The following PAMR1 variants were observed in gnomAD, a reference collection of about 807,000 sequenced individuals.
PAMR1 encodes inactive serine protease PAMR1.
Under a neutral mutation model 81.8 loss-of-function variants are expected in PAMR1, and 88 were observed. That is an observed-to-expected ratio of 1.08 (90% confidence interval 0.91 to 1.28). The LOEUF is 1.28. PAMR1 is among the 50% of genes most tolerant of loss of function. PAMR1 has a pLI of 0.00. For missense variants in PAMR1, 935 were observed against 919.7 expected (o/e 1.02, Z -0.21); for synonymous variants, 336 against 345.3 (o/e 0.97, Z 0.30).
chr11:35,438,739 G>A (rs1226568157), intron 8 of PAMR1, among the ~76,000 whole-genome samples: 1 of 152,212 alleles, frequency 6.6e-6, no homozygotes, highest in African/African-American at 2.4e-5. Flanking sequence ...AAATATGTAA[G>A]ACAACAGGTG....
Position 35,481,150 on chromosome 11 carries a change from G to C in PAMR1, c.380-6406C>G, listed in dbSNP as rs1387612716. Among the ~76,000 whole-genome samples, 6 of 152,148 alleles carry C rather than the reference G, an allele frequency of 3.9e-5. No individual in the cohort carries two copies. In the South Asian group the frequency reaches 1.0e-3, roughly 26 times the overall value. On this transcript the variant is annotated intron_variant, in intron 3 of 10. Transcript: ENST00000619888. ...TTCCATGTCTTTGCTATTGTAAATA[G>C]TGCTGTAACAAACATACATGTGCAT... is the stretch of plus-strand genomic sequence containing the variant.
chr11:35,468,414 G>A (rs537581159), intron 5 of PAMR1, among the ~76,000 whole-genome samples: 12 of 152,322 alleles, frequency 7.9e-5, no homozygotes, highest in African/African-American at 2.6e-4. Flanking sequence ...AGCCATGCTT[G>A]TATCTCTCCC....
At chr11:35,437,338 C>T (rs1856073398) in intron 8 of PAMR1, among the ~76,000 whole-genome samples, 1 of 152,190 alleles carries the variant, frequency 6.6e-6, no homozygotes, top group Non-Finnish European at 1.5e-5. Context: ...AACTTGGTAC[C>T]CAAGGCAGTG....
chr11:35,510,023 A>G (rs922000901), intron 1 of PAMR1, among the ~76,000 whole-genome samples: 1 of 152,252 alleles, frequency 6.6e-6, no homozygotes, highest in Non-Finnish European at 1.5e-5. Flanking sequence ...GCATATGCCC[A>G]TGATCACACA....
At chr11:35,490,606 G>T (rs574166186) in intron 3 of PAMR1, among the ~76,000 whole-genome samples, 1 of 152,340 alleles carries the variant, frequency 6.6e-6, no homozygotes, top group South Asian at 2.1e-4. Context: ...GGGCAACATA[G>T]TAGGACCCCA....
At chr11:35,502,001 T>C (rs182100023) in intron 1 of PAMR1, among the ~76,000 whole-genome samples, 24 of 152,302 alleles carry the variant, frequency 1.6e-4, no homozygotes, top group African/African-American at 4.8e-4. Flanking sequence ...GAAACCTCCA[T>C]ACAGTTTTCC....
intron 1 of PAMR1, among the ~76,000 whole-genome samples, chr11:35,522,294 A>G (rs566489702): frequency 6.6e-6 from 1 of 152,240 alleles, no homozygotes; most frequent in East Asian, 1.9e-4. Context: ...ACCACCATCT[A>G]TCTCCAGAAC....
intron 1 of PAMR1, among the ~76,000 whole-genome samples, chr11:35,510,363 A>T (rs1851049392): frequency 6.6e-6 from 1 of 152,154 alleles, no homozygotes; most frequent in Non-Finnish European, 1.5e-5. Flanking sequence ...GTTTGGAAAA[A>T]TGTCTAATGA....
chr11:35,504,281 T>C (rs575617999), intron 1 of PAMR1, among the ~76,000 whole-genome samples: 13 of 152,262 alleles, frequency 8.5e-5, no homozygotes, highest in African/African-American at 3.1e-4. Flanking sequence ...TTCGCTAGCA[T>C]TTTGTTGAAG....
intron 6 of PAMR1, among the ~76,000 whole-genome samples, chr11:35,457,328 C>T (rs1352866393): frequency 6.6e-6 from 1 of 152,098 alleles, no homozygotes; most frequent in Non-Finnish European, 1.5e-5. Flanking sequence ...CATCTCTGCC[C>T]TCAGCACTCT....
At chr11:35,436,210 C>A in intron 8 of PAMR1, 75 bp from the exon 9 acceptor site, 1 of 860,170 alleles carries the variant, frequency 1.2e-6, no homozygotes, top group South Asian at 1.5e-5. Flanking sequence ...GCATTCATGC[C>A]ATGTCCCATG....
intron 3 of PAMR1, among the ~76,000 whole-genome samples, chr11:35,484,661 T>C (rs185447733): frequency 7.6e-4 from 115 of 152,316 alleles, no homozygotes; most frequent in Middle Eastern, 3.4e-3. Flanking sequence ...GTCCAAAATA[T>C]GACTAAGAAG....
chr11:35,432,845 A>C lies in PAMR1; in HGVS notation c.1674T>G (p.Asp558Glu), dbSNP rs1159318233. The C allele has an allele frequency of 6.3e-7, 1 of 1,599,978 alleles. No homozygotes were observed. The highest frequency in any genetic ancestry group is 2.2e-5 in the East Asian group (1 of 44,846). ...GGAGCTTCAGGATGGCGATGTCAGCATCAAGCAGGATGGGGTCATAGTTGG... is the reference window on the plus strand; with the variant it reads ...GGAGCTTCAGGATGGCGATGTCAGCCTCAAGCAGGATGGGGTCATAGTTGG... The part of the protein sequence containing the change: ...LHPNYDPILL[D>E]ADIAILKLLD... Residue 558 changes from aspartate to glutamate, a missense_variant, in exon 11 of 11, where the codon GAT becomes GAG. Transcript: ENST00000619888.
intron 4 of PAMR1, among the ~76,000 whole-genome samples, chr11:35,472,959 C>T (rs561677451): frequency 8.5e-5 from 13 of 152,240 alleles, no homozygotes; most frequent in South Asian, 8.3e-4. Flanking sequence ...CCTGCAGCCA[C>T]TCTGCAGAGA....
chr11:35,494,613 G>T lies in PAMR1; in HGVS notation c.74-341C>A, dbSNP rs1294624290. Among the ~76,000 whole-genome samples the T allele has an allele frequency of 1.3e-5, 2 of 152,052 alleles. 1 individual carries two copies. The highest frequency in any genetic ancestry group is 2.9e-5 in the Non-Finnish European group (2 of 68,016). On this transcript the variant is annotated intron_variant, in intron 1 of 10. Transcript: ENST00000619888. ...CTCCCAAAGTGCTGGGATTCCAGGC[G>T]TGAGCCACCGCACCCGGCCCAGGGA...
At chr11:35,445,751 T>G (rs1237468913) in intron 6 of PAMR1, among the ~76,000 whole-genome samples, 1 of 152,136 alleles carries the variant, frequency 6.6e-6, no homozygotes, top group Non-Finnish European at 1.5e-5. Context: ...TTATTGAGGG[T>G]TTTTGCATTG....
chr11:35,478,346 C>G (rs7102175), intron 3 of PAMR1, among the ~76,000 whole-genome samples: 46,532 of 152,064 alleles, frequency 0.31, 7,476 homozygotes, highest in African/African-American at 0.41. Flanking sequence ...GTTCCTGTAG[C>G]CTCAGGGGCT....
intron 1 of PAMR1, among the ~76,000 whole-genome samples, chr11:35,497,590 T>C (rs1045800332): frequency 6.6e-6 from 1 of 152,184 alleles, no homozygotes; most frequent in African/African-American, 2.4e-5. Context: ...ATCCTTCCAC[T>C]CCTCCTCTGA....
chr11:35,490,118 A>T (rs909269029), intron 3 of PAMR1, among the ~76,000 whole-genome samples: 10 of 152,228 alleles, frequency 6.6e-5, no homozygotes, highest in African/African-American at 1.9e-4. Context: ...GAGCTTATGC[A>T]GGGGAACTCC....
Sources: allele counts gnomAD v4.1 joint callset (sites outside exome capture counted in the v4.1 genomes callset), GRCh38; gene constraint gnomAD v4.1.1; transcripts MANE v1.5; gene names NCBI Gene and HGNC (gene_info 2026-07-23, HGNC 2026-07-21).